The following ADGRV1 variants were observed in gnomAD, a reference collection of about 807,000 sequenced individuals.
ADGRV1 encodes G-protein coupled receptor 98.
ADGRV1 carries 359 observed loss-of-function variants against 596.2 expected under a neutral mutation model. That is an observed-to-expected ratio of 0.60 (90% confidence interval 0.55 to 0.66). The LOEUF (loss-of-function observed/expected upper bound fraction) is 0.66, where lower values mean the gene tolerates loss of function less well. Ranked by LOEUF, ADGRV1 falls within the 30% of genes least tolerant of loss-of-function variation. ADGRV1 has a pLI of 0.00. For synonymous variants in ADGRV1, 2,681 were observed against 2,679.2 expected, an observed-to-expected ratio of 1.00 and a Z score of -0.02; for missense variants, 7,274 against 7,575.6, an observed-to-expected ratio of 0.96 and a Z score of 1.48.
Position 90,916,758 on chromosome 5 carries a change from G to A in ADGRV1, c.17857-48657G>A, listed in dbSNP as rs1053428562. Among the ~76,000 whole-genome samples, 223 of 146,168 alleles carry A rather than the reference G, an allele frequency of 1.5e-3. 1 individual carries two copies. Among genetic ancestry groups the A allele is most frequent in the African/African-American group, 5.4e-3 (214 of 39,870 alleles). ...CGCCATTCTCCTGCCTCAGCCTCCC[G>A]AGTAGCTGGGACTACAGGCGCCCGC... On this transcript the variant is annotated intron_variant, in intron 83 of 89. Coordinates refer to ENST00000405460, the MANE Select transcript of ADGRV1 (RefSeq NM_032119.4).
In ADGRV1 at chr5:90,706,256, G is replaced by C. The variant is rs762819091; in HGVS notation, c.8592G>C (p.Thr2864=). The change falls in exon 38 of 90, where the codon ACG becomes ACC. Residue 2864 remains threonine, a synonymous_variant. Coordinates refer to ENST00000405460, the MANE Select transcript of ADGRV1 (RefSeq NM_032119.4). ...GAGCTATCAATGTCACATATACCAC[G>C]GTTCCTGGAATGCTGAGTCTGAAGA... ...SLGAINVTYT[T]VPGMLSLKNQ... is the part of the protein sequence containing the mutation. The C allele has an allele frequency of 2.2e-5, 36 of 1,612,250 alleles. No individual in the cohort carries two copies. In the South Asian group the frequency reaches 4.0e-4, roughly 18 times the overall value.
chr5:90,745,417 A>G (rs1754503974), intron 51 of ADGRV1, among the ~76,000 whole-genome samples, 152 bp downstream of exon 51: 1 of 152,206 alleles, frequency 6.6e-6, no homozygotes, highest in Admixed American at 6.5e-5. Context: ...TGTTTCTAAT[A>G]TCTATTCTAT....
intron 50 of ADGRV1, among the ~76,000 whole-genome samples, chr5:90,731,600 A>G (rs2149829690): frequency 6.6e-6 from 1 of 152,328 alleles, no homozygotes; most frequent in South Asian, 2.1e-4. Context: ...TGTTTATAGC[A>G]TTGAGGCCAC....
intron 83 of ADGRV1, among the ~76,000 whole-genome samples, 151 bp downstream of exon 83, chr5:90,864,008 A>G (rs966457576): frequency 2.0e-5 from 3 of 152,002 alleles, no homozygotes; most frequent in African/African-American, 7.2e-5. Flanking sequence ...GGGACAGGAG[A>G]GTCATATAAG....
At chr5:90,685,639 T>TAAATAAATAAATAAATAAAA (rs1179187076) in intron 28 of ADGRV1, 141 bp from the exon 29 acceptor site, 1 of 259,220 alleles carries the variant, frequency 3.9e-6, no homozygotes, top group African/African-American at 2.4e-5. Flanking sequence ...AATAAATAAA[T>TAAATAAATAAATAAATAAAA]AAAATAAATA....
At chr5:90,702,569 A>T (rs13174505) in intron 34 of ADGRV1, among the ~76,000 whole-genome samples, 15,364 of 151,944 alleles carry the variant, frequency 0.1, 929 homozygotes, top group African/African-American at 0.15. Context: ...TATAAGAAAT[A>T]TTTGTTTAGT....
rs1561644399 is a variant in ADGRV1 at position 90,745,054 on chromosome 5, C to T, written c.10558C>T (p.Leu3520Phe). ...FTPASGIAHI[L>F]LIGQDMSALY... ...TTCTTTCCTTCCTGCAGCCCACATA[C>T]TTCTTATTGGCCAAGATATGTCTGC... is the stretch of plus-strand genomic sequence containing the variant. Residue 3520 changes from leucine to phenylalanine, a missense_variant, in exon 51 of 90, where the codon CTT becomes TTT. This residue lies in a region of ADGRV1 where 3,643 missense variants were observed against 3,809.2 expected (regional missense o/e 0.96). Transcript: ENST00000405460. 1.2e-6 allele frequency: 2 copies of T among 1,613,144 alleles called. No homozygotes were observed. Among genetic ancestry groups the T allele is most frequent in the Non-Finnish European group, 1.7e-6 (2 of 1,179,248 alleles).
chr5:91,109,028 A>G (rs1371686166), intron 87 of ADGRV1, among the ~76,000 whole-genome samples: 6 of 152,240 alleles, frequency 3.9e-5, no homozygotes, highest in Non-Finnish European at 1.5e-5. Context: ...AACTTACAAT[A>G]CATTTGCACA....
intron 59 of ADGRV1, among the ~76,000 whole-genome samples, chr5:90,764,362 C>T (rs978608714): frequency 1.3e-5 from 2 of 152,240 alleles, no homozygotes; most frequent in Non-Finnish European, 2.9e-5. Flanking sequence ...GAGTTGGGCC[C>T]TGTTCTTCCT....
At chr5:91,099,286 C>T (rs1230229050) in intron 86 of ADGRV1, among the ~76,000 whole-genome samples, 3 of 151,794 alleles carry the variant, frequency 2.0e-5, no homozygotes, top group South Asian at 2.1e-4. Context: ...AAAAAGTGTT[C>T]GGGTTCCCTT....
rs765178095 is a variant in ADGRV1, at chr5:90,781,418, T to A, written c.13083-12T>A. 3 of 1,579,526 alleles carry A rather than the reference T, an allele frequency of 1.9e-6. No individual in the cohort carries two copies. Among genetic ancestry groups the A allele is most frequent in the Non-Finnish European group, 1.7e-6 (2 of 1,155,186 alleles). On this transcript the variant is annotated splice_polypyrimidine_tract_variant and intron_variant, in intron 64 of 89. Coordinates refer to ENST00000405460, the MANE Select transcript of ADGRV1 (RefSeq NM_032119.4). The stretch of plus-strand genomic sequence containing the variant: ...GTATTTTATTTTATTTTGATTTGTA[T>A]GACTTTGGAAGAGGGTATGATTTTA...
At chr5:90,760,484 T>C (rs77135882) in intron 58 of ADGRV1, among the ~76,000 whole-genome samples, 4,963 of 152,242 alleles carry the variant, frequency 0.033, 304 homozygotes, top group African/African-American at 0.11. Flanking sequence ...GATGTACTTT[T>C]CATCCATACC....
chr5:91,102,173 T>C (rs765377874), intron 86 of ADGRV1, 46 bp from the exon 87 acceptor site: 4 of 1,560,046 alleles, frequency 2.6e-6, no homozygotes, highest in Non-Finnish European at 3.5e-6. Flanking sequence ...TACATGTGAC[T>C]GTGCAGTATT....
chr5:91,060,892 A>T (rs980206308), intron 85 of ADGRV1, among the ~76,000 whole-genome samples: 4 of 152,210 alleles, frequency 2.6e-5, no homozygotes, highest in Non-Finnish European at 5.9e-5. Flanking sequence ...TAAACGTTTA[A>T]TTATCCTTCT....
intron 72 of ADGRV1, 148 bp downstream of exon 72, chr5:90,805,606 G>A: frequency 1.6e-6 from 1 of 612,770 alleles, no homozygotes; most frequent in Non-Finnish European, 2.5e-6. Flanking sequence ...AGTAGTGCAG[G>A]CTGCTTGGTG....
At chr5:90,681,181 T>A in intron 26 of ADGRV1, 134 bp from the exon 27 acceptor site, 2 of 968,448 alleles carry the variant, frequency 2.1e-6, no homozygotes, top group Non-Finnish European at 3.0e-6. Context: ...TCTGCCTTTC[T>A]TTCTAAAACA....
chr5:90,737,346 C>T (rs1753375048), intron 50 of ADGRV1, among the ~76,000 whole-genome samples: 1 of 151,858 alleles, frequency 6.6e-6, no homozygotes, highest in Non-Finnish European at 1.5e-5. Context: ...GTTTTGTGGC[C>T]TAACATATAG....
At chr5:91,051,369 A>G (rs955734163) in intron 85 of ADGRV1, among the ~76,000 whole-genome samples, 1 of 152,136 alleles carries the variant, frequency 6.6e-6, no homozygotes, top group East Asian at 1.9e-4. Context: ...TCAGTATAGT[A>G]TTTAATAAAT....
intron 87 of ADGRV1, among the ~76,000 whole-genome samples, chr5:91,135,189 A>AC (rs1412168740): frequency 6.6e-6 from 1 of 152,068 alleles, no homozygotes; most frequent in Admixed American, 6.6e-5. Context: ...AAAAAAAAAA[A>AC]AAAAAGGAAA....
Sources: gnomAD v4.1 joint callset for allele counts (sites outside exome capture counted in the v4.1 genomes callset) on GRCh38, gnomAD v4.1.1 for gene constraint, gnomAD v4.1.1 regional missense constraint, MANE v1.5 for transcripts, NCBI Gene and HGNC (gene_info 2026-07-23, HGNC 2026-07-21) for gene names.